CASC3: variants seen among roughly 807,000 people sequenced by gnomAD.
The protein encoded by CASC3 is protein CASC3.
A neutral mutation model predicts 80.5 loss-of-function variants in CASC3; 30 were observed. The ratio of observed to expected loss-of-function variants is 0.37; its 90% confidence interval spans 0.28 to 0.51. CASC3 has a LOEUF of 0.51. Among genes scored for constraint, CASC3 ranks in the 20% least tolerant of loss-of-function variants. CASC3 has a pLI of 0.94. For synonymous variants in CASC3, 312 were observed against 333.6 expected (o/e 0.94, Z 0.70); for missense variants, 824 against 922.2 (o/e 0.89, Z 1.38).
rs1048281734 is a variant in CASC3, at chr17:40,171,606, C to T, written c.*1201C>T. The stretch of plus-strand genomic sequence containing the variant: ...GCTTAAGGCCTAAGGAAGCCAGTCA[C>T]CTTCTGGGCAAGGGCTCCTATCTTT... On this transcript the variant is annotated 3_prime_UTR_variant, in exon 14 of 14. Coordinates refer to ENST00000264645, the MANE Select transcript of CASC3 (RefSeq NM_007359.5). 4.0e-6 allele frequency: 4 copies of T among 992,092 alleles called. No individual in the cohort carries two copies. The African/African-American group carries it at 7.0e-5, about 17-fold the overall frequency. The allele number at this position is 992,092 out of a possible 1,614,324, so 61.5% of individuals were successfully genotyped here.
chr17:40,147,253 A>G (rs987534983), intron 3 of CASC3, among the ~76,000 whole-genome samples: 1 of 152,174 alleles, frequency 6.6e-6, no homozygotes, highest in Non-Finnish European at 1.5e-5. Context: ...GAAGGTTCAT[A>G]CTTGTTGGAA....
Position 40,141,619 on chromosome 17 carries a change from A to C in CASC3, c.297+12A>C, listed in dbSNP as rs1224467044. 1 of 1,609,200 alleles carries C rather than the reference A, an allele frequency of 6.2e-7. No homozygotes were observed. The highest frequency in any genetic ancestry group is 8.5e-7 in the Non-Finnish European group (1 of 1,175,704). On this transcript the variant is annotated intron_variant, in intron 3 of 13. Transcript: ENST00000264645. ...CAGAAGACTCGGAAGTGAGTATGAC[A>C]GGTTTTTTCCTATGGTATAGATCAG... is the stretch of plus-strand genomic sequence containing the variant.
intron 3 of CASC3, among the ~76,000 whole-genome samples, chr17:40,143,271 C>T (rs1261477414): frequency 6.6e-6 from 1 of 150,996 alleles, no homozygotes; most frequent in African/African-American, 2.4e-5. Context: ...CATGGCAAAA[C>T]TCCATCTCTA....
At chr17:40,160,145 T>G (rs1283869442) in intron 3 of CASC3, among the ~76,000 whole-genome samples, 1 of 152,150 alleles carries the variant, frequency 6.6e-6, no homozygotes, top group Non-Finnish European at 1.5e-5. Context: ...CATTTTGAGA[T>G]GGGAGAGTTC....
At chr17:40,144,717 C>G (rs1196360147) in intron 3 of CASC3, among the ~76,000 whole-genome samples, 1 of 147,102 alleles carries the variant, frequency 6.8e-6, no homozygotes, top group South Asian at 2.2e-4. Context: ...TGCCCAGTCA[C>G]CCAGGCTGGA....
At chr17:40,143,528 T>A (rs1248160057) in intron 3 of CASC3, among the ~76,000 whole-genome samples, 1 of 152,054 alleles carries the variant, frequency 6.6e-6, no homozygotes, top group East Asian at 1.9e-4. Context: ...AGTAACTTAT[T>A]GTACATTTAA....
intron 3 of CASC3, 77 bp downstream of exon 3, chr17:40,141,684 C>G: frequency 1.9e-6 from 2 of 1,035,882 alleles, no homozygotes; most frequent in Admixed American, 1.9e-5. Flanking sequence ...TCGTTGCAAA[C>G]GTACCATGAC....
rs550019569 is a variant in CASC3 at position 40,147,905 on chromosome 17, G to A, written c.297+6298G>A. 2.0e-5 allele frequency among the ~76,000 whole-genome samples: 3 copies of A among 152,090 alleles called. No homozygotes were observed. The East Asian group carries it at 5.8e-4, about 29-fold the overall frequency. ...CCAATTCTGATTGATGTTCTTTCATGCCTTATATAATTTTCTTAATGTCTT... is the reference window on the plus strand; with the variant it reads ...CCAATTCTGATTGATGTTCTTTCATACCTTATATAATTTTCTTAATGTCTT... On this transcript the variant is annotated intron_variant, in intron 3 of 13. Coordinates refer to ENST00000264645, the MANE Select transcript of CASC3 (RefSeq NM_007359.5).
rs76987545 is a variant in CASC3 at position 40,168,600 on chromosome 17, C to T, written c.1965+183C>T. On this transcript the variant is annotated intron_variant, in intron 11 of 13. Coordinates refer to ENST00000264645, the MANE Select transcript of CASC3 (RefSeq NM_007359.5). ...ATGCAGCTTATGTAATGCCCATCAT[C>T]TTTATTCTTTTCAGTTTTTTTCTCC... 5.1e-3 allele frequency: 3,061 copies of T among 605,758 alleles called. 22 individuals carry two copies. Among genetic ancestry groups the T allele is most frequent in the Non-Finnish European group, 5.7e-3 (1,983 of 345,588 alleles). The allele number at this position is 605,758 out of a possible 1,614,324, so 37.5% of individuals were successfully genotyped here.
At chr17:40,143,950 C>T (rs1219052636) in intron 3 of CASC3, among the ~76,000 whole-genome samples, 1 of 151,758 alleles carries the variant, frequency 6.6e-6, no homozygotes, top group African/African-American at 2.4e-5. Flanking sequence ...CATTGTATAT[C>T]TATATAAAAA....
rs768723968 is a variant in CASC3, at chr17:40,172,090, GT to G, written c.*1691del. 2.4e-4 allele frequency: 316 copies of G among 1,289,974 alleles called. No homozygotes were observed. Among genetic ancestry groups the G allele is most frequent in the Non-Finnish European group, 3.0e-4 (297 of 988,876 alleles). 79.9% of individuals were successfully genotyped at this position (1,289,974 alleles called of 1,614,324 possible). A position where few individuals can be genotyped will look rare whatever the true frequency, so the allele number is the denominator to read the frequency against. ...CAAGGATTTTTCCATGTGTGGTGGT[GT>G]TTTTTGTTACTGTTTTAAAGGGTGC... On this transcript the variant is annotated 3_prime_UTR_variant, in exon 14 of 14. Transcript: ENST00000264645.
In CASC3 at chr17:40,170,946, A is replaced by ATTATC. The variant is rs1989578459; in HGVS notation, c.*542_*543insTATCT. ...GGATTCCCTTTTGACTCTTCCGTGCATCCCAGATAATGGAGAATGTATCAG... is the reference window on the plus strand; with the variant it reads ...GGATTCCCTTTTGACTCTTCCGTGCATTATCTCCCAGATAATGGAGAATGTATCAG... On this transcript the variant is annotated 3_prime_UTR_variant, in exon 14 of 14. Transcript: ENST00000264645. 3 of 985,250 alleles carry ATTATC rather than the reference A, an allele frequency of 3.0e-6. No individual in the cohort carries two copies. In the Admixed American group the frequency reaches 1.8e-4, roughly 61 times the overall value. The allele number at this position is 985,250 out of a possible 1,614,324, so 61.0% of individuals were successfully genotyped here.
chr17:40,150,196 C>T (rs1988964865), intron 3 of CASC3, among the ~76,000 whole-genome samples: 1 of 151,976 alleles, frequency 6.6e-6, no homozygotes, highest in African/African-American at 2.4e-5. Context: ...ATCTGGGCAA[C>T]AAAGTGAGAC....
rs186568144 is a variant in CASC3, at chr17:40,148,518, G to C, written c.297+6911G>C. 7.9e-5 allele frequency among the ~76,000 whole-genome samples: 12 copies of C among 151,994 alleles called. No individual in the cohort carries two copies. The East Asian group carries it at 2.3e-3, about 30-fold the overall frequency. ...TAGCTGGGACCTCGTGTGTCACCGTGCCCAGCTAATTTTTGTATTTTTAGT... is the reference window on the plus strand; with the variant it reads ...TAGCTGGGACCTCGTGTGTCACCGTCCCCAGCTAATTTTTGTATTTTTAGT... On this transcript the variant is annotated intron_variant, in intron 3 of 13. Coordinates refer to ENST00000264645, the MANE Select transcript of CASC3 (RefSeq NM_007359.5).
At chr17:40,151,772 A>G (rs1322308974) in intron 3 of CASC3, among the ~76,000 whole-genome samples, 2 of 151,364 alleles carry the variant, frequency 1.3e-5, no homozygotes, top group Admixed American at 1.3e-4. Context: ...CCGCAAATCT[A>G]CTTTCTGTCT....
At chr17:40,150,099 G>T (rs1350096932) in intron 3 of CASC3, among the ~76,000 whole-genome samples, 1 of 150,680 alleles carries the variant, frequency 6.6e-6, no homozygotes, top group Non-Finnish European at 1.5e-5. Flanking sequence ...GGATAGAGCA[G>T]GACAGGCACG....
In CASC3 at chr17:40,168,358, C is replaced by T. The variant is rs750434207; in HGVS notation, c.1906C>T (p.Pro636Ser). 3 of 1,613,900 alleles carry T rather than the reference C, an allele frequency of 1.9e-6. No homozygotes were observed. Among genetic ancestry groups the T allele is most frequent in the Non-Finnish European group, 2.5e-6 (3 of 1,179,992 alleles). ...CATGAACTTTGGTAATCCCAGTTAC[C>T]CTTATGCTCCAGGGGCACTGCCTCC... ...GVMNFGNPSYPYAPGALPPPP... is the reference protein window; with the variant it reads ...GVMNFGNPSYSYAPGALPPPP... Residue 636 changes from proline (P) to serine (S), a missense_variant, in exon 11 of 14, where the codon CCT becomes TCT. By Grantham distance (74) the Pro-to-Ser change is moderately conservative (BLOSUM62 -1). This residue lies in a region of CASC3 where 464 missense variants were observed against 506.0 expected (regional missense o/e 0.92). Transcript: ENST00000264645.
At position 40,163,824 on chromosome 17, in the gene CASC3, G is replaced by A. The variant is rs1309482542; in HGVS notation, c.1129G>A (p.Glu377Lys). The change falls in exon 7 of 14, where the codon GAA becomes AAA. Residue 377 changes from glutamate to lysine, a missense_variant. This residue lies in a region of CASC3 where 464 missense variants were observed against 506.0 expected (regional missense o/e 0.92). Coordinates refer to ENST00000264645, the MANE Select transcript of CASC3 (RefSeq NM_007359.5). ...DAPVLGSPEK[E>K]EAASEPPAAA... ...TCCAGTGCTTGGCAGTCCTGAGAAG[G>A]AAGAGGCAGCCTCAGAGCCACCAGC... 10 of 1,614,064 alleles carry A rather than the reference G, an allele frequency of 6.2e-6. No homozygotes were observed. The South Asian group carries it at 9.9e-5, about 16-fold the overall frequency.
chr17:40,146,663 C>G (rs943178604), intron 3 of CASC3, among the ~76,000 whole-genome samples: 1 of 151,222 alleles, frequency 6.6e-6, no homozygotes, highest in Non-Finnish European at 1.5e-5. Context: ...TGGTCTTGAA[C>G]TCTTGACCTG....
Sources: gnomAD v4.1 joint callset for allele counts (sites outside exome capture counted in the v4.1 genomes callset) on GRCh38, gnomAD v4.1.1 for gene constraint, gnomAD v4.1.1 regional missense constraint, MANE v1.5 for transcripts, NCBI Gene and HGNC (gene_info 2026-07-23, HGNC 2026-07-21) for gene names.